Variants in MFHAS1 observed in about 807,000 individuals in gnomAD.
MFHAS1 encodes malignant fibrous histiocytoma-amplified sequence 1.
Under a neutral mutation model 70.4 loss-of-function variants are expected in MFHAS1, and 50 were observed. The observed-to-expected ratio is 0.71, with a 90% CI of 0.57 to 0.90. The LOEUF is 0.90. Ranked by LOEUF, MFHAS1 falls within the 40% of genes least tolerant of loss-of-function variation. The pLI is 0.00. For synonymous variants in MFHAS1, 952 were observed against 620.0 expected (o/e 1.54, Z -7.96); for missense variants, 1,795 against 1,347.6 (o/e 1.33, Z -5.20).
chr8:8,850,834 A>T (rs1346412327), intron 1 of MFHAS1, among the ~76,000 whole-genome samples: 1 of 132,328 alleles, frequency 7.6e-6, no homozygotes, highest in Non-Finnish European at 1.6e-5. Context: ...AAAAAAAAAA[A>T]TCAGAACACC....
At position 8,891,300 on chromosome 8, in the gene MFHAS1, G is replaced by T; in HGVS notation, c.1759C>A (p.Arg587Ser). 6.2e-7 allele frequency: 1 copy of T among 1,611,384 alleles called. No individual in the cohort carries two copies. ...TAGGCTGCGTGGGGGCTGGCAGAGC[G>T]CAGCTCGAAGTCCCGGGCCAGTGCC... ...DEALARDFEL[R>S]SASPHAAYYG... Residue 587 changes from arginine (R) to serine (S), a missense_variant, in exon 1 of 3, where the codon CGC (arginine) becomes AGC (serine). By Grantham distance (110) the Arg-to-Ser change is moderately radical (BLOSUM62 -1). Transcript: ENST00000276282. The surrounding 1 kb of genome is among the most constrained non-coding windows in gnomAD (Gnocchi z 5.4).
At chr8:8,828,882 T>C (rs1360600158) in intron 1 of MFHAS1, among the ~76,000 whole-genome samples, 3 of 152,152 alleles carry the variant, frequency 2.0e-5, no homozygotes, top group Non-Finnish European at 2.9e-5. Flanking sequence ...CGAGCTCTTA[T>C]CCCGCCCCTA....
At position 8,892,478 on chromosome 8, in the gene MFHAS1, G is replaced by T; in HGVS notation, c.581C>A (p.Thr194Asn). 2 of 1,607,522 alleles carry T rather than the reference G, an allele frequency of 1.2e-6. No homozygotes were observed. Among genetic ancestry groups the T allele is most frequent in the Non-Finnish European group, 1.7e-6 (2 of 1,177,046 alleles). The change falls in exon 1 of 3, where the codon ACT (threonine) becomes AAT (asparagine). Residue 194 changes from threonine (T) to asparagine (N), a missense_variant. Physicochemically the swap from Thr to Asn is moderately conservative, Grantham distance 65. Coordinates refer to ENST00000276282, the MANE Select transcript of MFHAS1 (RefSeq NM_004225.3). This position sits in a 1 kb window ranked among gnomAD's most constrained non-coding sequence, Gnocchi z 4.7. ...RTLDVDHNQL[T>N]AFPRQLLQLV... ...CTGCAGCAGCTGCCGGGGGAAGGCA[G>T]TGAGCTGGTTGTGATCCACGTCCAG...
intron 1 of MFHAS1, among the ~76,000 whole-genome samples, chr8:8,857,082 G>A (rs1288182745): frequency 1.3e-5 from 2 of 150,316 alleles, no homozygotes; most frequent in African/African-American, 2.5e-5. Flanking sequence ...ACATCCTAGA[G>A]AGGCACTGCC....
At chr8:8,788,199 T>TTG (rs1805616640) in intron 2 of MFHAS1, among the ~76,000 whole-genome samples, 1 of 152,222 alleles carries the variant, frequency 6.6e-6, no homozygotes, top group African/African-American at 2.4e-5. Flanking sequence ...AAGAGGCTAT[T>TTG]AGGTTCTGGA....
intron 1 of MFHAS1, among the ~76,000 whole-genome samples, chr8:8,829,195 C>T (rs1807276228): frequency 6.6e-6 from 1 of 151,916 alleles, no homozygotes; most frequent in Admixed American, 6.5e-5. Flanking sequence ...GTGCGGAGCG[C>T]CCTCCCAGAA....
intron 1 of MFHAS1, among the ~76,000 whole-genome samples, chr8:8,847,252 G>A (rs1808070561): frequency 1.3e-5 from 2 of 152,086 alleles, no homozygotes; most frequent in Non-Finnish European, 1.5e-5. Flanking sequence ...CTTGATGTGG[G>A]CTCACTGCAA....
intron 1 of MFHAS1, among the ~76,000 whole-genome samples, chr8:8,815,873 A>G (rs1806722838): frequency 6.6e-6 from 1 of 152,242 alleles, no homozygotes; most frequent in African/African-American, 2.4e-5. Flanking sequence ...AAGTAGTCAA[A>G]AAGTAGAAAC....
At chr8:8,878,504 C>G (rs932172726) in intron 1 of MFHAS1, among the ~76,000 whole-genome samples, 1 of 152,046 alleles carries the variant, frequency 6.6e-6, no homozygotes, top group African/African-American at 2.4e-5. Flanking sequence ...AATAGGGAGA[C>G]TGATGTGATG....
chr8:8,853,195 A>G (rs1808309777), intron 1 of MFHAS1, among the ~76,000 whole-genome samples: 1 of 151,944 alleles, frequency 6.6e-6, no homozygotes, highest in Non-Finnish European at 1.5e-5. Flanking sequence ...ACCGACTCAC[A>G]CACACACTCA....
intron 2 of MFHAS1, 126 bp downstream of exon 2, chr8:8,797,239 T>C (rs1300099118): frequency 2.0e-6 from 2 of 986,346 alleles, no homozygotes; most frequent in Non-Finnish European, 2.9e-6. Context: ...CCAGAAGAAT[T>C]ATGTCTGTTC....
At chr8:8,877,062 G>C (rs1330911568) in intron 1 of MFHAS1, among the ~76,000 whole-genome samples, 1 of 152,146 alleles carries the variant, frequency 6.6e-6, no homozygotes, top group Non-Finnish European at 1.5e-5. Context: ...CACTTTGAGA[G>C]GCCAAGGTGA....
intron 1 of MFHAS1, among the ~76,000 whole-genome samples, chr8:8,820,068 T>A (rs965924187): frequency 1.1e-4 from 16 of 152,194 alleles, no homozygotes; most frequent in African/African-American, 3.9e-4. Context: ...TTTGTTCTGA[T>A]TTTTCCCCCA....
At chr8:8,838,228 C>A (rs1049132865) in intron 1 of MFHAS1, among the ~76,000 whole-genome samples, 1 of 152,152 alleles carries the variant, frequency 6.6e-6, no homozygotes, top group Non-Finnish European at 1.5e-5. Context: ...ACAAAAAGCC[C>A]ATCAGTGGTT....
intron 1 of MFHAS1, among the ~76,000 whole-genome samples, chr8:8,882,419 A>T (rs561468151): frequency 6.6e-6 from 1 of 152,004 alleles, no homozygotes; most frequent in African/African-American, 2.4e-5. Flanking sequence ...CAAACAAAAT[A>T]TCATAAACAA....
At chr8:8,822,872 C>T (rs1007118316) in intron 1 of MFHAS1, among the ~76,000 whole-genome samples, 1 of 152,030 alleles carries the variant, frequency 6.6e-6, no homozygotes, top group Non-Finnish European at 1.5e-5. Flanking sequence ...GAGACGGGCA[C>T]AGGGACCAAG....
intron 1 of MFHAS1, among the ~76,000 whole-genome samples, chr8:8,800,719 T>C (rs183619872): frequency 5.9e-5 from 9 of 152,336 alleles, no homozygotes; most frequent in Admixed American, 2.0e-4. Flanking sequence ...GCAGCTTCTT[T>C]GGTTTCCCCT....
chr8:8,787,138 T>G (rs925838012), intron 2 of MFHAS1, among the ~76,000 whole-genome samples: 3 of 151,584 alleles, frequency 2.0e-5, no homozygotes, highest in Non-Finnish European at 4.4e-5. Flanking sequence ...TGGAGTGCAG[T>G]GGCGCAATCT....
chr8:8,853,872 G>C (rs541026476), intron 1 of MFHAS1, among the ~76,000 whole-genome samples: 1 of 152,194 alleles, frequency 6.6e-6, no homozygotes, highest in African/African-American at 2.4e-5. Flanking sequence ...TATTTCTATT[G>C]TCAAGGTTAT....
Sources: allele counts gnomAD v4.1 joint callset (sites outside exome capture counted in the v4.1 genomes callset), GRCh38; gene constraint gnomAD v4.1.1; non-coding constraint Gnocchi (gnomAD v3.1); transcripts MANE v1.5; gene names NCBI Gene and HGNC (gene_info 2026-07-23, HGNC 2026-07-21).